Variants in ADAM2 observed in about 807,000 individuals in gnomAD.
The protein encoded by ADAM2 is disintegrin and metalloproteinase domain-containing protein 2.
Under a neutral mutation model 99.3 loss-of-function variants are expected in ADAM2, and 101 were observed. The ratio of observed to expected loss-of-function variants is 1.02; its 90% CI spans 0.87 to 1.20. The LOEUF (loss-of-function observed/expected upper bound fraction) is 1.20, where lower values mean the gene tolerates loss of function less well. ADAM2 is among the 50% of genes most tolerant of loss of function. The pLI is 0.00. For synonymous variants in ADAM2, 323 were observed against 287.6 expected (o/e 1.12, Z -1.25); for missense variants, 948 against 878.7 (o/e 1.08, Z -1.00).
At position 39,743,894 on chromosome 8, in the gene ADAM2, T is replaced by G. The variant is rs926101143; in HGVS notation, c.*201A>C. 6 of 152,160 alleles carry G rather than the reference T, an allele frequency of 3.9e-5. 1 individual carries two copies. The highest frequency in any genetic ancestry group is 1.4e-4 in the African/African-American group (6 of 41,446). The allele number at this position is 152,160 out of a possible 1,614,324, so 9.4% of individuals were successfully genotyped here. On this transcript the variant is annotated 3_prime_UTR_variant, in exon 21 of 21. Transcript: ENST00000265708. ...GAAATTTGTAATGTAAAACTCATTA[T>G]CATGCATTTTTAAATAAGTAAATTA...
intron 6 of ADAM2, among the ~76,000 whole-genome samples, chr8:39,815,037 T>G (rs1804882886): frequency 6.6e-6 from 1 of 151,928 alleles, no homozygotes; most frequent in African/African-American, 2.4e-5. Context: ...TTTCACTCTT[T>G]AAAAATGTAT....
intron 10 of ADAM2, among the ~76,000 whole-genome samples, chr8:39,783,198 T>A (rs1481057374): frequency 6.6e-6 from 1 of 152,174 alleles, no homozygotes; most frequent in African/African-American, 2.4e-5. Context: ...CTCTGTAAGA[T>A]TTCAATCATT....
chr8:39,837,386 T>G (rs1414197669), intron 1 of ADAM2, among the ~76,000 whole-genome samples, 174 bp from the exon 2 acceptor site: 1 of 151,952 alleles, frequency 6.6e-6, no homozygotes, highest in African/African-American at 2.4e-5. Context: ...TTTCTGTTTT[T>G]TTTTTTGTTT....
chr8:39,804,826 G>T (rs182526867), intron 7 of ADAM2, among the ~76,000 whole-genome samples: 100 of 152,218 alleles, frequency 6.6e-4, no homozygotes, highest in Admixed American at 1.0e-3. Context: ...CTGGTAAAGT[G>T]CATAGCTTTA....
intron 11 of ADAM2, among the ~76,000 whole-genome samples, chr8:39,772,963 A>G (rs575572725): frequency 2.0e-5 from 3 of 151,984 alleles, no homozygotes; most frequent in Admixed American, 2.0e-4. Flanking sequence ...ACACCTCAAC[A>G]CATTCTCTCA....
At chr8:39,769,643 C>T (rs1802701803) in intron 11 of ADAM2, 68 bp from the exon 12 acceptor site, 5 of 1,072,442 alleles carry the variant, frequency 4.7e-6, no homozygotes, top group Non-Finnish European at 6.9e-6. Context: ...TTAGAATAAA[C>T]CTATACAACA....
chr8:39,810,579 ACT>A (rs1304175309), intron 6 of ADAM2, among the ~76,000 whole-genome samples: 1 of 152,008 alleles, frequency 6.6e-6, no homozygotes, highest in Non-Finnish European at 1.5e-5. Flanking sequence ...ATTATAACAA[ACT>A]CTCTCTCAGA....
chr8:39,777,227 T>A, intron 10 of ADAM2, 66 bp from the exon 11 acceptor site: 2 of 1,299,764 alleles, frequency 1.5e-6, no homozygotes, highest in Non-Finnish European at 1.1e-6. Context: ...AACAATGCAA[T>A]TATTAAAGAT....
In ADAM2 at chr8:39,749,673, A is replaced by G. The variant is rs1208959681; in HGVS notation, c.1869T>C (p.Asp623=). Residue 623 remains aspartate (D), a synonymous_variant, in exon 17 of 21, where the codon GAT becomes GAC. Coordinates refer to ENST00000265708, the MANE Select transcript of ADAM2 (RefSeq NM_001464.5). Reference sequence around the variant, plus strand: ...TCATAGTACTGCTACTTACACCTCTATCATTGCATTTGTCAGTAGTACAAT... The same window carrying G: ...TCATAGTACTGCTACTTACACCTCTGTCATTGCATTTGTCAGTAGTACAAT... ...GYDCTTDKCN[D]RGVCNNKKHC... is the part of the protein sequence containing the mutation. 1 of 1,610,980 alleles carries G rather than the reference A, an allele frequency of 6.2e-7. No homozygotes were observed. Among genetic ancestry groups the G allele is most frequent in the Non-Finnish European group, 8.5e-7 (1 of 1,177,978 alleles).
chr8:39,765,606 G>A (rs1470800870), intron 14 of ADAM2, among the ~76,000 whole-genome samples: 5 of 152,220 alleles, frequency 3.3e-5, no homozygotes, highest in Non-Finnish European at 7.4e-5. Flanking sequence ...TTTGTCTTTT[G>A]CTCCCTCTTC....
At chr8:39,750,217 A>G (rs1452476175) in intron 16 of ADAM2, among the ~76,000 whole-genome samples, 2 of 152,132 alleles carry the variant, frequency 1.3e-5, no homozygotes, top group Non-Finnish European at 2.9e-5. Flanking sequence ...TCTACCATGG[A>G]AGACCGTATT....
intron 16 of ADAM2, among the ~76,000 whole-genome samples, chr8:39,753,478 T>A (rs980482829): frequency 6.6e-6 from 1 of 151,790 alleles, no homozygotes; most frequent in Non-Finnish European, 1.5e-5. Flanking sequence ...CTGCAGAAAT[T>A]TGCATAAGTA....
intron 6 of ADAM2, among the ~76,000 whole-genome samples, chr8:39,816,811 A>C (rs1804962371): frequency 6.6e-6 from 1 of 152,216 alleles, no homozygotes; most frequent in African/African-American, 2.4e-5. Flanking sequence ...GTTTCTTTGT[A>C]GGGCATAGAG....
intron 18 of ADAM2, among the ~76,000 whole-genome samples, chr8:39,748,565 C>G (rs1220280737): frequency 6.6e-6 from 1 of 152,016 alleles, no homozygotes; most frequent in Non-Finnish European, 1.5e-5. Context: ...ATTTTTATAT[C>G]AAAGAAAATC....
chr8:39,827,578 C>T (rs1251384950), intron 3 of ADAM2, among the ~76,000 whole-genome samples: 1 of 152,084 alleles, frequency 6.6e-6, no homozygotes, highest in Non-Finnish European at 1.5e-5. Context: ...CTTTCATTTG[C>T]TACAGGCTGG....
rs948718989 is a variant in ADAM2, at chr8:39,837,143, T to C, written c.125A>G (p.Glu42Gly). The C allele has an allele frequency of 6.3e-7, 1 of 1,598,708 alleles. No individual in the cohort carries two copies. Among genetic ancestry groups the C allele is most frequent in the Non-Finnish European group, 8.6e-7 (1 of 1,169,568 alleles). Residue 42 changes from glutamate to glycine, a missense_variant, in exon 2 of 21, where the codon GAA (glutamate) becomes GGA (glycine). By Grantham distance (98) the Glu-to-Gly change is moderately conservative. Coordinates refer to ENST00000265708, the MANE Select transcript of ADAM2 (RefSeq NM_001464.5). ...KIRSIIKEGI[E>G]SQASYKIVIE... The stretch of plus-strand genomic sequence containing the variant: ...CTGTTAGTGATTCATTACCTGCGAT[T>C]CAATTCCTTCCTTTATTATTGACCG...
At position 39,803,579 on chromosome 8, in the gene ADAM2, C is replaced by G. The variant is rs1804305172; in HGVS notation, c.570+5831G>C. ...AAAAAAGGCGACTTTTCTGCTGTGC[C>G]TGGAGCTCCTATTTTGAAGACTGGA... On this transcript the variant is annotated intron_variant, in intron 7 of 20. Transcript: ENST00000265708. Among the ~76,000 whole-genome samples, 6 of 152,172 alleles carry G rather than the reference C, an allele frequency of 3.9e-5. No individual in the cohort carries two copies. In the South Asian group the frequency reaches 1.2e-3, roughly 31 times the overall value.
At chr8:39,782,825 G>A (rs1169954545) in intron 10 of ADAM2, among the ~76,000 whole-genome samples, 1 of 151,922 alleles carries the variant, frequency 6.6e-6, no homozygotes, top group African/African-American at 2.4e-5. Context: ...AAATTAGTTT[G>A]AGCTTTGATG....
At chr8:39,755,362 C>T (rs1426290514) in intron 16 of ADAM2, among the ~76,000 whole-genome samples, 1 of 152,170 alleles carries the variant, frequency 6.6e-6, no homozygotes, top group East Asian at 1.9e-4. Flanking sequence ...AGAAAAAATA[C>T]TAATTATGTA....
Sources: gnomAD v4.1 joint callset for allele counts (sites outside exome capture counted in the v4.1 genomes callset) on GRCh38, gnomAD v4.1.1 for gene constraint, MANE v1.5 for transcripts, NCBI Gene and HGNC (gene_info 2026-07-23, HGNC 2026-07-21) for gene names.